The following PGBD5 variants were observed in gnomAD, a reference collection of about 807,000 sequenced individuals.
PGBD5 encodes piggyBac transposable element derived 5, also known as piggyBac transposable element-derived protein 5.
PGBD5 carries 14 observed loss-of-function variants against 47.9 expected under a neutral mutation model. The observed-to-expected ratio is 0.29, with a 90% CI of 0.19 to 0.46. PGBD5 has a LOEUF of 0.46. PGBD5 is among the 20% of genes least tolerant of loss of function. PGBD5 has a pLI of 1.00. For synonymous variants in PGBD5, 316 were observed against 306.3 expected (o/e 1.03, Z -0.33); for missense variants, 635 against 716.0 (o/e 0.89, Z 1.29).
chr1:230,395,998 CTT>C (rs1656945301), intron 1 of PGBD5, among the ~76,000 whole-genome samples: 1 of 138,616 alleles, frequency 7.2e-6, no homozygotes, highest in South Asian at 2.5e-4. Flanking sequence ...TTGCTTCCCT[CTT>C]TCTTCCCTTT....
intron 1 of PGBD5, among the ~76,000 whole-genome samples, chr1:230,378,217 G>A (rs1668044900): frequency 6.6e-6 from 1 of 152,124 alleles, no homozygotes; most frequent in Non-Finnish European, 1.5e-5. Context: ...ACCTTCCCTG[G>A]CCTCTCCGGT....
At chr1:230,353,356 A>C (rs1201116724) in intron 2 of PGBD5, among the ~76,000 whole-genome samples, 1 of 152,130 alleles carries the variant, frequency 6.6e-6, no homozygotes, top group African/African-American at 2.4e-5. Context: ...CTCCCCGAAA[A>C]TATTTCTCTA....
Position 230,316,688 on chromosome 1 carries a change from A to C in PGBD5, c.*6737T>G, listed in dbSNP as rs962868476. 1 of 152,126 alleles carries C rather than the reference A, an allele frequency of 6.6e-6. No individual in the cohort carries two copies. The highest frequency in any genetic ancestry group is 1.5e-5 in the Non-Finnish European group (1 of 68,022). 9.4% of individuals were successfully genotyped at this position (152,126 alleles called of 1,614,324 possible). ...GGGACATGAGAATTGGGCTGGGAAC[A>C]AGGAACCCTCACATGGATCGTCAGG... On this transcript the variant is annotated 3_prime_UTR_variant, in exon 7 of 7. Transcript: ENST00000391860.
At chr1:230,325,151 G>A (rs538050803) in intron 6 of PGBD5, among the ~76,000 whole-genome samples, 159 bp downstream of exon 6, 13 of 152,320 alleles carry the variant, frequency 8.5e-5, no homozygotes, top group Admixed American at 7.8e-4. Flanking sequence ...GTGCACAGGC[G>A]AGGCCCAGAA....
At chr1:230,336,621 T>C (rs561790754) in intron 4 of PGBD5, among the ~76,000 whole-genome samples, 28 of 152,208 alleles carry the variant, frequency 1.8e-4, no homozygotes, top group Non-Finnish European at 3.4e-4. Flanking sequence ...GTCTTTGCCA[T>C]GCATGCACCA....
At chr1:230,411,409 G>C (rs1389738542) in intron 1 of PGBD5, among the ~76,000 whole-genome samples, 1 of 152,146 alleles carries the variant, frequency 6.6e-6, no homozygotes, top group East Asian at 1.9e-4. Flanking sequence ...TATACTGCAT[G>C]GAACTTCATG....
chr1:230,382,170 T>C lies in PGBD5; in HGVS notation c.332-24849A>G, dbSNP rs544446776. ...CCAGCAGGAGCCCAGCAGGCAACCA[T>C]GGAGCGCGGACATGCTCAGAGACAG... On this transcript the variant is annotated intron_variant, in intron 1 of 6. Transcript: ENST00000391860. Among the ~76,000 whole-genome samples, 28 of 152,302 alleles carry C rather than the reference T, an allele frequency of 1.8e-4. No individual in the cohort carries two copies. The South Asian group carries it at 3.3e-3, about 18-fold the overall frequency.
In PGBD5 at chr1:230,363,500, T is replaced by C. The variant is rs200878738; in HGVS notation, c.332-6179A>G. Among the ~76,000 whole-genome samples the C allele has an allele frequency of 3.9e-5, 6 of 151,990 alleles. No homozygotes were observed. The East Asian group carries it at 1.2e-3, about 29-fold the overall frequency. ...GGAAGGCCAAGGGAGGAGAGGTGCT[T>C]GAACCTGGGAGGCGGAGGCTGCAGT... is the stretch of plus-strand genomic sequence containing the variant. On this transcript the variant is annotated intron_variant, in intron 1 of 6. Transcript: ENST00000391860.
chr1:230,412,387 CTTTT>C (rs34303231), intron 1 of PGBD5, among the ~76,000 whole-genome samples: 3 of 127,634 alleles, frequency 2.4e-5, no homozygotes, highest in Non-Finnish European at 3.3e-5. Flanking sequence ...ATCCTAAAGT[CTTTT>C]TTTTTTTTTT....
chr1:230,418,289 G>T (rs1164634675), intron 1 of PGBD5, among the ~76,000 whole-genome samples: 1 of 152,178 alleles, frequency 6.6e-6, no homozygotes, highest in Non-Finnish European at 1.5e-5. Context: ...AAAGTCTACC[G>T]ATAGGACACC....
rs763811484 is a variant in PGBD5 at position 230,332,979 on chromosome 1, T to G, written c.1138A>C (p.Met380Leu). The G allele has an allele frequency of 8.1e-6, 13 of 1,613,820 alleles. No homozygotes were observed. In the Admixed American group the frequency reaches 2.2e-4, roughly 27 times the overall value. ...KSDCTGLPLS[M>L]LTNPATPPAR... ...GGGGGTGTGGCTGGGTTGGTCAGCATGGACAGTGGGAGGCCGGTGCAGTCA... is the reference window on the plus strand; with the variant it reads ...GGGGGTGTGGCTGGGTTGGTCAGCAGGGACAGTGGGAGGCCGGTGCAGTCA... The change falls in exon 5 of 7, where the codon ATG (methionine) becomes CTG (leucine). Residue 380 changes from methionine (M) to leucine (L), a missense_variant. Transcript: ENST00000391860.
At chr1:230,350,180 T>C (rs1217714646) in intron 3 of PGBD5, among the ~76,000 whole-genome samples, 1 of 152,214 alleles carries the variant, frequency 6.6e-6, no homozygotes, top group Non-Finnish European at 1.5e-5. Flanking sequence ...GGCCTGCCTG[T>C]CTGATGAGAG....
chr1:230,424,703 A>AG (rs2102758601), intron 1 of PGBD5, among the ~76,000 whole-genome samples: 2 of 152,376 alleles, frequency 1.3e-5, no homozygotes, highest in South Asian at 4.1e-4. Context: ...AGCATGCAGG[A>AG]GCACGGGCCT....
intron 1 of PGBD5, among the ~76,000 whole-genome samples, chr1:230,412,997 G>A (rs923691211): frequency 2.0e-5 from 3 of 152,086 alleles, no homozygotes; most frequent in Admixed American, 6.5e-5. Context: ...TCATTAACAG[G>A]TTCTTGGAAA....
At chr1:230,413,083 A>T (rs1241009778) in intron 1 of PGBD5, among the ~76,000 whole-genome samples, 1 of 150,234 alleles carries the variant, frequency 6.7e-6, no homozygotes, top group Non-Finnish European at 1.5e-5. Context: ...GACATTATTC[A>T]AGGGCCTGCG....
chr1:230,324,347 C>T (rs1049850496), intron 6 of PGBD5, among the ~76,000 whole-genome samples: 6 of 152,226 alleles, frequency 3.9e-5, no homozygotes, highest in Admixed American at 3.9e-4. Flanking sequence ...TCATAGAACA[C>T]AGCAAGGTGC....
intron 4 of PGBD5, among the ~76,000 whole-genome samples, chr1:230,335,758 T>C (rs1183145762): frequency 0.059 from 22 of 370 alleles, no homozygotes; most frequent in East Asian, 0.1. Flanking sequence ...CACACACAGA[T>C]ACACAGATAC....
chr1:230,328,995 C>T lies in PGBD5; in HGVS notation c.1274-3580G>A, dbSNP rs112044867. Reference sequence around the variant, plus strand: ...TTGCTCAGACTGAAGTGCAGTGTCACGATCTTGGCTCACTGCAGCCTCTAC... The same window carrying T: ...TTGCTCAGACTGAAGTGCAGTGTCATGATCTTGGCTCACTGCAGCCTCTAC... On this transcript the variant is annotated intron_variant, in intron 5 of 6. Coordinates refer to ENST00000391860, the MANE Select transcript of PGBD5 (RefSeq NM_001258311.2). Among the ~76,000 whole-genome samples, 1,098 of 152,024 alleles carry T rather than the reference C, an allele frequency of 7.2e-3. 4 individuals carry two copies. Among genetic ancestry groups the T allele is most frequent in the Middle Eastern group, 0.017 (5 of 294 alleles).
intron 3 of PGBD5, among the ~76,000 whole-genome samples, chr1:230,345,185 G>A (rs565372995): frequency 6.6e-5 from 10 of 152,264 alleles, no homozygotes; most frequent in Admixed American, 6.5e-4. Flanking sequence ...ACATTAACCT[G>A]TTGGCCAATT....
Sources: gnomAD v4.1 joint callset for allele counts (sites outside exome capture counted in the v4.1 genomes callset) on GRCh38, gnomAD v4.1.1 for gene constraint, MANE v1.5 for transcripts, NCBI Gene and HGNC (gene_info 2026-07-23, HGNC 2026-07-21) for gene names.